The following MEGF6 variants were observed in gnomAD, a reference collection of about 807,000 sequenced individuals.
MEGF6 encodes the protein multiple epidermal growth factor-like domains protein 6.
MEGF6 carries 184 observed loss-of-function variants against 207.1 expected under a neutral mutation model. The ratio of observed to expected loss-of-function variants is 0.89; its 90% CI spans 0.79 to 1.00. The LOEUF (loss-of-function observed/expected upper bound fraction) is 1.00, where lower values mean the gene tolerates loss of function less well. Among genes scored for constraint, MEGF6 ranks in the 50% least tolerant of loss-of-function variants. The probability of loss-of-function intolerance (pLI) is 0.00; values close to 1 mark genes in which losing one functional copy is unlikely to be tolerated. For missense variants in MEGF6, 2,282 were observed against 2,202.9 expected, an observed-to-expected ratio of 1.04 and a Z score of -0.72; for synonymous variants, 1,038 against 910.0, an observed-to-expected ratio of 1.14 and a Z score of -2.53.
rs56955077 is a variant in MEGF6 at position 3,500,711 on chromosome 1, C to A, written c.2629G>T (p.Ala877Ser). Residue 877 changes from alanine (A) to serine (S), a missense_variant, in exon 21 of 37, where the codon GCT becomes TCT. Coordinates refer to ENST00000356575, the MANE Select transcript of MEGF6 (RefSeq NM_001409.4). ...ATGGCATCACAGCTCCCGTGGCCAG[C>A]GCTGCAGTTGCAGGGGTGGCTGCAG... The part of the protein sequence containing the change: ...PDCSHPCNCS[A>S]GHGSCDAISG... 6 of 1,593,066 alleles carry A rather than the reference C, an allele frequency of 3.8e-6. No homozygotes were observed. The highest frequency in any genetic ancestry group is 3.4e-5 in the South Asian group (3 of 88,386).
intron 4 of MEGF6, among the ~76,000 whole-genome samples, chr1:3,535,466 G>C (rs540397270): frequency 6.6e-6 from 1 of 152,220 alleles, no homozygotes; most frequent in African/African-American, 2.4e-5. Context: ...CCAGAAGGCT[G>C]CATCCAACCC....
rs755472071 is a variant in MEGF6 at position 3,508,661 on chromosome 1, G to C, written c.1557C>G (p.Asp519Glu). 6.2e-7 allele frequency: 1 copy of C among 1,613,382 alleles called. No individual in the cohort carries two copies. Among genetic ancestry groups the C allele is most frequent in the African/African-American group, 1.3e-5 (1 of 74,940 alleles). The change falls in exon 13 of 37, where the codon GAC becomes GAG. Residue 519 changes from aspartate to glutamate, a missense_variant. Physicochemically the swap from Asp to Glu is conservative, Grantham distance 45 (BLOSUM62 2). Transcript: ENST00000356575. ...TGCAGTCATCACAGGTCAAGCTGCA[G>C]TCATGGCCAAAGGAGTCATCCAGGC... The part of the protein sequence containing the change: ...FVCLDDSFGH[D>E]CSLTCDDCRN...
At chr1:3,523,870 G>A (rs2101205299) in intron 5 of MEGF6, among the ~76,000 whole-genome samples, 1 of 152,370 alleles carries the variant, frequency 6.6e-6, no homozygotes, top group East Asian at 1.9e-4. Context: ...GGGGCTTAGT[G>A]TGGCTGCAGA....
intron 4 of MEGF6, among the ~76,000 whole-genome samples, chr1:3,571,927 A>ACTGGGTCCTCCTGGGTGTG (rs1643509897): frequency 9.4e-5 from 5 of 53,222 alleles, no homozygotes; most frequent in Admixed American, 2.3e-4. Flanking sequence ...TTCAGGGTGT[A>ACTGGGTCCTCCTGGGTGTG]CTGGGTCCTC....
chr1:3,517,967 C>T (rs767165501), intron 5 of MEGF6, among the ~76,000 whole-genome samples: 10 of 152,206 alleles, frequency 6.6e-5, no homozygotes, highest in East Asian at 1.9e-4. Context: ...ATAATCGCAC[C>T]GCGTGCTTCC....
chr1:3,489,847 C>T lies in MEGF6; in HGVS notation c.*681G>A, dbSNP rs1190071895. ...TGCACTGGGAGGTCCCTGGGTGCAC[C>T]GTTATGCTGGCCGGGCCCCAGGGAG... On this transcript the variant is annotated 3_prime_UTR_variant, in exon 37 of 37. Coordinates refer to ENST00000356575, the MANE Select transcript of MEGF6 (RefSeq NM_001409.4). The T allele has an allele frequency of 6.6e-6, 1 of 152,294 alleles. No individual in the cohort carries two copies. The highest frequency in any genetic ancestry group is 1.5e-5 in the Non-Finnish European group (1 of 68,092). The allele number at this position is 152,294 out of a possible 1,614,324, so 9.4% of individuals were successfully genotyped here. A position where few individuals can be genotyped will look rare whatever the true frequency, so the allele number is the denominator to read the frequency against.
At chr1:3,507,699 G>A (rs925048591) in intron 14 of MEGF6, 96 bp downstream of exon 14, 4 of 1,521,070 alleles carry the variant, frequency 2.6e-6, no homozygotes, top group Non-Finnish European at 3.6e-6. Flanking sequence ...GCTCCAGTGG[G>A]AGGAAGGAGA....
chr1:3,508,918 A>G (rs1038367406), intron 12 of MEGF6, among the ~76,000 whole-genome samples, 157 bp downstream of exon 12: 7 of 152,122 alleles, frequency 4.6e-5, no homozygotes, highest in African/African-American at 1.7e-4. Flanking sequence ...GCGCAAACTG[A>G]GCCAGTGGCT....
chr1:3,562,206 G>A (rs1643223235), intron 4 of MEGF6, among the ~76,000 whole-genome samples: 1 of 152,154 alleles, frequency 6.6e-6, no homozygotes, highest in Non-Finnish European at 1.5e-5. Flanking sequence ...TTCTCTGCGT[G>A]TTTGTCTCTT....
chr1:3,501,704 C>G, intron 18 of MEGF6, 92 bp downstream of exon 18: 1 of 1,486,952 alleles, frequency 6.7e-7, no homozygotes, highest in Non-Finnish European at 9.0e-7. Flanking sequence ...GGCCTGGGAT[C>G]CGCAGGGCTG....
At position 3,498,311 on chromosome 1, in the gene MEGF6, G is replaced by A. The variant is rs1387785528; in HGVS notation, c.3352+60C>T. Reference sequence around the variant, plus strand: ...GCACAGTCCTCAGCCCTGCAGTAAGGCTGATGCCACCCCTTCCCAGCAGGG... The same window carrying A: ...GCACAGTCCTCAGCCCTGCAGTAAGACTGATGCCACCCCTTCCCAGCAGGG... On this transcript the variant is annotated intron_variant, in intron 26 of 36. Transcript: ENST00000356575. 2.6e-6 allele frequency: 4 copies of A among 1,552,734 alleles called. No individual in the cohort carries two copies. The Admixed American group carries it at 5.6e-5, about 22-fold the overall frequency.
Position 3,556,251 on chromosome 1 carries a change from A to G in MEGF6, c.481+23574T>C, listed in dbSNP as rs1271208391. Among the ~76,000 whole-genome samples, 10 of 152,228 alleles carry G rather than the reference A, an allele frequency of 6.6e-5. No homozygotes were observed. On this transcript the variant is annotated intron_variant, in intron 4 of 36. Coordinates refer to ENST00000356575, the MANE Select transcript of MEGF6 (RefSeq NM_001409.4). The surrounding 1 kb of genome is among the most constrained non-coding windows in gnomAD (Gnocchi z 4.4). The stretch of plus-strand genomic sequence containing the variant: ...GGGGAGTGGGGCAGGGTCCCCATAC[A>G]TAACCTAGAGCTCTGTGTGAGGCCC...
At chr1:3,574,333 T>A (rs952406276) in intron 4 of MEGF6, among the ~76,000 whole-genome samples, 3 of 151,930 alleles carry the variant, frequency 2.0e-5, no homozygotes, top group African/African-American at 4.8e-5. Flanking sequence ...CAAAATGACT[T>A]TCTCCTCTGC....
chr1:3,539,400 C>T (rs1642431614), intron 4 of MEGF6, among the ~76,000 whole-genome samples: 1 of 152,018 alleles, frequency 6.6e-6, no homozygotes, highest in Admixed American at 6.5e-5. Context: ...GCTCAGGGGG[C>T]TCAGCGGGTC....
intron 4 of MEGF6, among the ~76,000 whole-genome samples, chr1:3,555,531 G>A (rs1643009628): frequency 6.6e-6 from 1 of 152,268 alleles, no homozygotes; most frequent in Admixed American, 6.5e-5. Context: ...AATGAAAGCA[G>A]GAGACGGCAG....
At chr1:3,578,537 G>C (rs889493900) in intron 4 of MEGF6, among the ~76,000 whole-genome samples, 6 of 58,952 alleles carry the variant, frequency 1.0e-4, no homozygotes, top group African/African-American at 7.8e-4. Flanking sequence ...CAGGGGCCCT[G>C]GGGGGGGGGG....
chr1:3,572,223 G>A (rs1412430416), intron 4 of MEGF6, among the ~76,000 whole-genome samples: 35 of 138,178 alleles, frequency 2.5e-4, no homozygotes, highest in African/African-American at 9.8e-4. Context: ...AGTGTGCTAG[G>A]TCCTTCCCGA....
chr1:3,568,358 G>A (rs56410789), intron 4 of MEGF6, among the ~76,000 whole-genome samples: 9,775 of 148,338 alleles, frequency 0.066, 485 homozygotes, highest in Middle Eastern at 0.13. Flanking sequence ...TGGGGGCTTC[G>A]GTAGTGGTCC....
Position 3,609,910 on chromosome 1 carries a change from G to A in MEGF6, c.131+1228C>T, listed in dbSNP as rs367819670. On this transcript the variant is annotated intron_variant, in intron 1 of 36. Coordinates refer to ENST00000356575, the MANE Select transcript of MEGF6 (RefSeq NM_001409.4). The stretch of plus-strand genomic sequence containing the variant: ...GGACATCCACCTCCGCCAAGCAGCA[G>A]CCCACCCCTGGGACTCTGGGGAGCC... Among the ~76,000 whole-genome samples, 316 of 152,342 alleles carry A rather than the reference G, an allele frequency of 2.1e-3. 1 individual carries two copies. The highest frequency in any genetic ancestry group is 6.8e-3 in the African/African-American group (283 of 41,586).
Sources: gnomAD v4.1 joint callset for allele counts (sites outside exome capture counted in the v4.1 genomes callset) on GRCh38, gnomAD v4.1.1 for gene constraint, Gnocchi (gnomAD v3.1) non-coding constraint, MANE v1.5 for transcripts, NCBI Gene and HGNC (gene_info 2026-07-23, HGNC 2026-07-21) for gene names.